Variants in PID1 observed in about 807,000 individuals in gnomAD.
PID1 encodes phosphotyrosine interaction domain containing 1, also known as PTB-containing, cubilin and LRP1-interacting protein.
Under a neutral mutation model 19.1 loss-of-function variants are expected in PID1, and 10 were observed. The ratio of observed to expected loss-of-function variants is 0.52; its 90% CI spans 0.32 to 0.89. The LOEUF is 0.89. Among genes scored for constraint, PID1 ranks in the 40% least tolerant of loss-of-function variants. The pLI is 0.03. For synonymous variants in PID1, 130 were observed against 116.0 expected (o/e 1.12, Z -0.78); for missense variants, 248 against 285.3 (o/e 0.87, Z 0.94).
At chr2:229,133,370 G>C (rs1349046624) in intron 2 of PID1, among the ~76,000 whole-genome samples, 1 of 152,202 alleles carries the variant, frequency 6.6e-6, no homozygotes, top group East Asian at 1.9e-4. Context: ...CCCTCAGCCA[G>C]AACTCTCTTC....
intron 2 of PID1, among the ~76,000 whole-genome samples, chr2:229,147,500 T>G (rs993285734): frequency 5.9e-5 from 9 of 151,960 alleles, no homozygotes; most frequent in Non-Finnish European, 1.3e-4. Flanking sequence ...ATTACAAATA[T>G]CTACATATAA....
intron 2 of PID1, among the ~76,000 whole-genome samples, chr2:229,153,648 G>GA (rs1221973389): frequency 3.9e-5 from 6 of 152,062 alleles, no homozygotes; most frequent in African/African-American, 1.4e-4. Flanking sequence ...GCAGCACACA[G>GA]AAAAAATTAG....
At chr2:229,245,974 T>C (rs1307093770) in intron 1 of PID1, among the ~76,000 whole-genome samples, 4 of 152,200 alleles carry the variant, frequency 2.6e-5, no homozygotes, top group Non-Finnish European at 5.9e-5. Flanking sequence ...CGTGCTCTGT[T>C]TGTTTCATTT....
At chr2:229,182,167 T>G (rs1386969946) in intron 1 of PID1, among the ~76,000 whole-genome samples, 1 of 152,154 alleles carries the variant, frequency 6.6e-6, no homozygotes, top group Non-Finnish European at 1.5e-5. Flanking sequence ...CTCATAGAAG[T>G]ACAACAGCAA....
chr2:229,070,143 C>T (rs975810426), intron 2 of PID1, among the ~76,000 whole-genome samples: 1 of 152,140 alleles, frequency 6.6e-6, no homozygotes, highest in Admixed American at 6.5e-5. Context: ...GCACTGTAAT[C>T]TTTTCTAAAT....
intron 2 of PID1, among the ~76,000 whole-genome samples, chr2:229,031,748 C>T (rs76450638): frequency 2.0e-5 from 3 of 152,280 alleles, no homozygotes; most frequent in East Asian, 3.9e-4. Flanking sequence ...CCCTCAGAAA[C>T]TCTTTTCAAT....
intron 2 of PID1, among the ~76,000 whole-genome samples, chr2:229,134,728 C>T (rs1443822731): frequency 6.6e-6 from 1 of 151,984 alleles, no homozygotes; most frequent in Non-Finnish European, 1.5e-5. Context: ...ACATGTAATA[C>T]TATTTGATTT....
At chr2:229,055,014 C>T (rs1234516091) in intron 2 of PID1, among the ~76,000 whole-genome samples, 3 of 152,112 alleles carry the variant, frequency 2.0e-5, no homozygotes, top group Non-Finnish European at 4.4e-5. Context: ...AGCATCCGTG[C>T]AAATGAAGAG....
chr2:229,233,467 A>C (rs12694802), intron 1 of PID1, among the ~76,000 whole-genome samples: 80,358 of 149,882 alleles, frequency 0.54, 22,067 homozygotes, highest in African/African-American at 0.6. Flanking sequence ...AATCCAGGTA[A>C]CTGAAAGTAG....
intron 1 of PID1, among the ~76,000 whole-genome samples, chr2:229,174,532 T>G (rs1690775490): frequency 6.6e-6 from 1 of 152,038 alleles, no homozygotes; most frequent in African/African-American, 2.4e-5. Flanking sequence ...AGTAAAGCAA[T>G]GTTTCCCAAG....
chr2:229,244,121 A>AT (rs1689942817), intron 1 of PID1, among the ~76,000 whole-genome samples: 1 of 152,136 alleles, frequency 6.6e-6, no homozygotes, highest in Non-Finnish European at 1.5e-5. Flanking sequence ...AAAATATGTT[A>AT]TTTTTTAGTT....
rs1693380066 is a variant in PID1, at chr2:229,025,014, G to A, written c.*618C>T. On this transcript the variant is annotated 3_prime_UTR_variant, in exon 3 of 3. Coordinates refer to ENST00000392055, the MANE Select transcript of PID1 (RefSeq NM_001100818.2). Reference sequence around the variant, plus strand: ...TAGATGAAGTGAATACAATAAGAGGGTACTACTTGGTATATTTATGTAAAT... The same window carrying A: ...TAGATGAAGTGAATACAATAAGAGGATACTACTTGGTATATTTATGTAAAT... 6.5e-6 allele frequency: 1 copy of A among 153,580 alleles called. No individual in the cohort carries two copies. Among genetic ancestry groups the A allele is most frequent in the Admixed American group, 6.5e-5 (1 of 15,424 alleles). 9.5% of individuals were successfully genotyped at this position (153,580 alleles called of 1,614,324 possible). A position where few individuals can be genotyped will look rare whatever the true frequency, so the allele number is the denominator to read the frequency against.
At chr2:229,184,210 A>G (rs374090937) in intron 1 of PID1, among the ~76,000 whole-genome samples, 351 of 2,650 alleles carry the variant, frequency 0.13, 167 homozygotes, top group Middle Eastern at 1. Flanking sequence ...TATCCCATAT[A>G]TATATCCCAT....
chr2:229,139,002 A>C (rs966286219), intron 2 of PID1, among the ~76,000 whole-genome samples: 3 of 90,700 alleles, frequency 3.3e-5, no homozygotes, highest in African/African-American at 1.3e-4. Flanking sequence ...AAAGAAAGAA[A>C]GAAAGAAAGA....
intron 2 of PID1, among the ~76,000 whole-genome samples, chr2:229,039,563 C>T (rs561461718): frequency 5.8e-4 from 89 of 152,138 alleles, no homozygotes; most frequent in African/African-American, 2.0e-3. Flanking sequence ...TAAAAATGTG[C>T]GGTTAACTAG....
chr2:229,028,301 GT>G (rs1336007539), intron 2 of PID1, among the ~76,000 whole-genome samples: 2 of 152,148 alleles, frequency 1.3e-5, no homozygotes, highest in Non-Finnish European at 2.9e-5. Context: ...ATAGCCATTA[GT>G]TTTACCCAAT....
chr2:229,232,374 G>A (rs113770011), intron 1 of PID1, among the ~76,000 whole-genome samples: 5 of 138,962 alleles, frequency 3.6e-5, no homozygotes, highest in African/African-American at 1.4e-4. Context: ...AGAGCCTGCA[G>A]TGAGCCGAGA....
intron 2 of PID1, among the ~76,000 whole-genome samples, chr2:229,102,708 A>T (rs1399092764): frequency 6.6e-6 from 1 of 152,200 alleles, no homozygotes; most frequent in Non-Finnish European, 1.5e-5. Context: ...GTCCTGTTAT[A>T]GATGGCAACT....
chr2:229,026,107 A>C lies in PID1; in HGVS notation c.179T>G (p.Val60Gly), dbSNP rs200670777. The C allele has an allele frequency of 3.1e-6, 5 of 1,610,326 alleles. No individual in the cohort carries two copies. In the East Asian group the frequency reaches 1.1e-4, roughly 36 times the overall value. The change falls in exon 3 of 3, where the codon GTT becomes GGT. Residue 60 changes from valine (V) to glycine (G), a missense_variant and splice_region_variant. Physicochemically the swap from Val to Gly is moderately radical, Grantham distance 109 (BLOSUM62 -3). Transcript: ENST00000392055. ...GGTGGAGACTTTGCCCAGGTAGGTA[A>C]CCTGCAGATGCAAGAGAGGAAGAAA... ...MKTRTHSGCKVTYLGKVSTTG... is the reference protein window; with the variant it reads ...MKTRTHSGCKGTYLGKVSTTG...
Sources: gnomAD v4.1 joint callset for allele counts (sites outside exome capture counted in the v4.1 genomes callset) on GRCh38, gnomAD v4.1.1 for gene constraint, MANE v1.5 for transcripts, NCBI Gene and HGNC (gene_info 2026-07-23, HGNC 2026-07-21) for gene names.